PALLD: variants seen among roughly 807,000 people sequenced by gnomAD.
PALLD encodes palladin.
A neutral mutation model predicts 123.5 loss-of-function variants in PALLD; 61 were observed. The ratio of observed to expected loss-of-function variants is 0.49; its 90% CI spans 0.40 to 0.61. The LOEUF is 0.61. Ranked by LOEUF, PALLD falls within the 20% of genes least tolerant of loss-of-function variation. The pLI is 0.00. For missense variants in PALLD, 1,273 were observed against 1,377.0 expected (o/e 0.92, Z 1.20); for synonymous variants, 465 against 496.4 (o/e 0.94, Z 0.84).
chr4:168,870,139 T>C (rs774582349), intron 10 of PALLD, among the ~76,000 whole-genome samples: 1 of 152,068 alleles, frequency 6.6e-6, no homozygotes. Flanking sequence ...TCCAAAAGAG[T>C]AGTGGCAGAA....
intron 2 of PALLD, among the ~76,000 whole-genome samples, chr4:168,663,032 A>C (rs772214140): frequency 6.6e-6 from 1 of 152,200 alleles, no homozygotes; most frequent in Non-Finnish European, 1.5e-5. Flanking sequence ...GCCTCTCTCC[A>C]TATATATTTT....
At chr4:168,907,748 G>A (rs1054699120) in intron 15 of PALLD, among the ~76,000 whole-genome samples, 3 of 152,144 alleles carry the variant, frequency 2.0e-5, no homozygotes, top group Non-Finnish European at 2.9e-5. Context: ...GCAATGAGAA[G>A]TGGACCAAGA....
At position 168,915,878 on chromosome 4, in the gene PALLD, ATCTT is replaced by A; in HGVS notation, c.2718-12_2718-9del. 6.2e-7 allele frequency: 1 copy of A among 1,605,674 alleles called. No homozygotes were observed. The highest frequency in any genetic ancestry group is 8.5e-7 in the Non-Finnish European group (1 of 1,172,338). On this transcript the variant is annotated splice_polypyrimidine_tract_variant and intron_variant, in intron 16 of 21. Transcript: ENST00000505667. ...CTATCTATATTTCTATCTATCTGTCATCTTTCTTGTTTCAAGGCCTCGTTCTAGA... is the reference window on the plus strand; with the variant it reads ...CTATCTATATTTCTATCTATCTGTCATCTTGTTTCAAGGCCTCGTTCTAGA...
chr4:168,573,347 A>G (rs1161549983), intron 2 of PALLD, among the ~76,000 whole-genome samples: 1 of 151,514 alleles, frequency 6.6e-6, no homozygotes, highest in Non-Finnish European at 1.5e-5. Flanking sequence ...CTCTGCAGTC[A>G]TTTGTTTATT....
chr4:168,514,771 ATAC>A (rs1561197072), intron 2 of PALLD, among the ~76,000 whole-genome samples: 2 of 152,188 alleles, frequency 1.3e-5, no homozygotes, highest in Non-Finnish European at 2.9e-5. Context: ...CCCTTGAAGT[ATAC>A]TACAACCTTT....
At chr4:168,771,713 C>G (rs972186074) in intron 10 of PALLD, among the ~76,000 whole-genome samples, 5 of 152,170 alleles carry the variant, frequency 3.3e-5, no homozygotes, top group African/African-American at 1.2e-4. Flanking sequence ...ACACCCAGCT[C>G]TTTACCACCT....
chr4:168,819,763 G>C (rs1742460484), intron 10 of PALLD, among the ~76,000 whole-genome samples: 1 of 152,192 alleles, frequency 6.6e-6, no homozygotes, highest in Admixed American at 6.6e-5. Flanking sequence ...AAGCAGAGGA[G>C]AAGCAAAGAA....
intron 10 of PALLD, among the ~76,000 whole-genome samples, chr4:168,784,347 GA>G (rs1736378679): frequency 6.6e-6 from 1 of 151,998 alleles, no homozygotes; most frequent in African/African-American, 2.4e-5. Context: ...AAGAGAGAGA[GA>G]GAGAAAGAAA....
chr4:168,562,709 A>G (rs1767985009), intron 2 of PALLD, among the ~76,000 whole-genome samples: 1 of 152,104 alleles, frequency 6.6e-6, no homozygotes, highest in Non-Finnish European at 1.5e-5. Context: ...AAGAGAGGGA[A>G]GGAGGCCAGT....
At chr4:168,631,706 A>G in intron 2 of PALLD, 4 of 985,482 alleles carry the variant, frequency 4.1e-6, no homozygotes, top group Non-Finnish European at 4.8e-6. Context: ...GGCGGGGCCC[A>G]GGACCTCTCG....
At chr4:168,539,375 G>A (rs1337343396) in intron 2 of PALLD, among the ~76,000 whole-genome samples, 1 of 151,996 alleles carries the variant, frequency 6.6e-6, no homozygotes, top group Non-Finnish European at 1.5e-5. Context: ...GAATAACAAG[G>A]TCAAGAGTTC....
chr4:168,514,890 T>C (rs1301458183), intron 2 of PALLD, among the ~76,000 whole-genome samples: 2 of 152,200 alleles, frequency 1.3e-5, no homozygotes, highest in African/African-American at 2.4e-5. Flanking sequence ...ATTCTAGGGG[T>C]CATCAAATTC....
chr4:168,498,177 A>G (rs1235665720), intron 1 of PALLD, among the ~76,000 whole-genome samples: 1 of 152,188 alleles, frequency 6.6e-6, no homozygotes, highest in Admixed American at 6.5e-5. Flanking sequence ...GTTATTGCTA[A>G]CAGCAGAAAA....
At chr4:168,816,413 A>ATATATT (rs34003798) in intron 10 of PALLD, among the ~76,000 whole-genome samples, 141 of 135,988 alleles carry the variant, frequency 1.0e-3, no homozygotes, top group African/African-American at 3.1e-3. Flanking sequence ...ATATATATAT[A>ATATATT]TTTTTTTTAA....
intron 10 of PALLD, among the ~76,000 whole-genome samples, chr4:168,808,198 G>T (rs1290181268): frequency 2.0e-5 from 3 of 151,410 alleles, no homozygotes; most frequent in African/African-American, 7.2e-5. Context: ...AATATAAGGG[G>T]GGCCAGGCAC....
chr4:168,536,039 T>C (rs1262472355), intron 2 of PALLD, among the ~76,000 whole-genome samples: 1 of 152,178 alleles, frequency 6.6e-6, no homozygotes. Flanking sequence ...TTTGTTTTGA[T>C]AAAAAAGAGA....
At chr4:168,677,127 A>G (rs1016641711) in intron 3 of PALLD, among the ~76,000 whole-genome samples, 1 of 152,060 alleles carries the variant, frequency 6.6e-6, no homozygotes, top group African/African-American at 2.4e-5. Flanking sequence ...ACTGAAAGTG[A>G]CGGTTAATAA....
chr4:168,653,741 C>A (rs1452543531), intron 2 of PALLD, among the ~76,000 whole-genome samples: 1 of 152,066 alleles, frequency 6.6e-6, no homozygotes, highest in Admixed American at 6.5e-5. Context: ...GAGACAGAGT[C>A]TCATCTGGAG....
intron 2 of PALLD, among the ~76,000 whole-genome samples, chr4:168,540,859 G>A (rs914529406): frequency 3.3e-5 from 5 of 151,530 alleles, no homozygotes; most frequent in Admixed American, 2.0e-4. Flanking sequence ...ATTTTTCACT[G>A]CAAAATTATT....
Sources: allele counts gnomAD v4.1 joint callset (sites outside exome capture counted in the v4.1 genomes callset), GRCh38; gene constraint gnomAD v4.1.1; transcripts MANE v1.5; gene names NCBI Gene and HGNC (gene_info 2026-07-23, HGNC 2026-07-21).